OLA1: variants seen among roughly 807,000 people sequenced by gnomAD.
The protein encoded by OLA1 is Obg like ATPase 1, also known as obg-like ATPase 1.
OLA1 carries 14 observed loss-of-function variants against 48.4 expected under a neutral mutation model. That is an observed-to-expected ratio of 0.29 (90% CI 0.19 to 0.45). The LOEUF is 0.45. Among genes scored for constraint, OLA1 ranks in the 20% least tolerant of loss-of-function variants. The pLI is 1.00. For missense variants in OLA1, 325 were observed against 467.1 expected (o/e 0.70, Z 2.80); for synonymous variants, 127 against 150.4 (o/e 0.84, Z 1.14).
rs141191623 is a variant in OLA1 at position 174,242,685 on chromosome 2, C to G, written c.101+4030G>C. Among the ~76,000 whole-genome samples, 92 of 152,242 alleles carry G rather than the reference C, an allele frequency of 6.0e-4. 1 individual carries two copies. The East Asian group carries it at 0.015, about 25-fold the overall frequency. On this transcript the variant is annotated intron_variant, in intron 2 of 10. Transcript: ENST00000284719. Reference sequence around the variant, plus strand: ...GGGTTTTCTGATGCTCTTAATTGAACCTAATCCCATCTGATGCAGTGGATA... The same window carrying G: ...GGGTTTTCTGATGCTCTTAATTGAAGCTAATCCCATCTGATGCAGTGGATA...
At chr2:174,193,387 G>A (rs1045016091) in intron 4 of OLA1, among the ~76,000 whole-genome samples, 5 of 152,184 alleles carry the variant, frequency 3.3e-5, no homozygotes, top group African/African-American at 1.2e-4. Flanking sequence ...ACTGCACCCA[G>A]CTGTCTAAGG....
At chr2:174,217,477 C>G (rs1046079324) in intron 4 of OLA1, among the ~76,000 whole-genome samples, 1 of 152,068 alleles carries the variant, frequency 6.6e-6, no homozygotes, top group Non-Finnish European at 1.5e-5. Flanking sequence ...AAGCAAAGCT[C>G]CCCTAAAAGG....
chr2:174,162,171 A>G (rs1213231087), intron 4 of OLA1, among the ~76,000 whole-genome samples: 1 of 152,234 alleles, frequency 6.6e-6, no homozygotes, highest in Non-Finnish European at 1.5e-5. Context: ...TTCAGGACAC[A>G]GAGTAAATAT....
In OLA1 at chr2:174,161,717, T is replaced by G. The variant is rs552492994; in HGVS notation, c.374-19717A>C. On this transcript the variant is annotated intron_variant, in intron 4 of 10. Coordinates refer to ENST00000284719, the MANE Select transcript of OLA1 (RefSeq NM_013341.5). ...ACACACACACACACACACACACACA[T>G]AGATAGATAGACACACATACATACA... Among the ~76,000 whole-genome samples, 117 of 140,914 alleles carry G rather than the reference T, an allele frequency of 8.3e-4. 1 individual carries two copies. The South Asian group carries it at 0.026, about 31-fold the overall frequency. 92.4% of individuals were successfully genotyped at this position (140,914 alleles called of 152,430 possible).
In OLA1 at chr2:174,082,074, A is replaced by T; in HGVS notation, c.729-10T>A. 1 of 1,612,828 alleles carries T rather than the reference A, an allele frequency of 6.2e-7. No individual in the cohort carries two copies. Among genetic ancestry groups the T allele is most frequent in the South Asian group, 1.1e-5 (1 of 91,044 alleles). On this transcript the variant is annotated splice_polypyrimidine_tract_variant and intron_variant, in intron 7 of 10. Coordinates refer to ENST00000284719, the MANE Select transcript of OLA1 (RefSeq NM_013341.5). ...TTTAATTTTTATCAACCTGTAGACA[A>T]AAAAGGGCACAACATTATCTTGTAG...
At chr2:174,151,519 T>C (rs1686745476) in intron 4 of OLA1, among the ~76,000 whole-genome samples, 1 of 152,156 alleles carries the variant, frequency 6.6e-6, no homozygotes. Context: ...CATTCAGAGG[T>C]TAGGGGCCAG....
intron 4 of OLA1, among the ~76,000 whole-genome samples, chr2:174,219,497 T>C (rs1688450235): frequency 6.7e-6 from 1 of 148,524 alleles, no homozygotes; most frequent in African/African-American, 2.5e-5. Flanking sequence ...TGGCGCAATG[T>C]TGGCTCACTG....
chr2:174,187,517 T>C (rs1412456989), intron 4 of OLA1, among the ~76,000 whole-genome samples: 1 of 152,322 alleles, frequency 6.6e-6, no homozygotes, highest in East Asian at 1.9e-4. Context: ...TTCTAATTGG[T>C]TTCACAAACA....
intron 5 of OLA1, among the ~76,000 whole-genome samples, chr2:174,141,423 T>C (rs1296134489): frequency 1.3e-5 from 2 of 152,234 alleles, no homozygotes; most frequent in Non-Finnish European, 2.9e-5. Context: ...CTGTCTACTT[T>C]AAGAGTGTAT....
At chr2:174,202,881 CAGT>C (rs1559002785) in intron 4 of OLA1, among the ~76,000 whole-genome samples, 3 of 152,088 alleles carry the variant, frequency 2.0e-5, no homozygotes, top group Non-Finnish European at 4.4e-5. Context: ...TTCTGCTCAA[CAGT>C]AGAGATTTTG....
chr2:174,193,025 A>G (rs1331382584), intron 4 of OLA1, among the ~76,000 whole-genome samples: 1 of 150,240 alleles, frequency 6.7e-6, no homozygotes, highest in East Asian at 1.9e-4. Context: ...TTTTGGACCT[A>G]TGGTTTTGTG....
At chr2:174,081,856 G>T (rs951568468) in intron 8 of OLA1, 68 bp downstream of exon 8, 20 of 1,429,938 alleles carry the variant, frequency 1.4e-5, no homozygotes, top group African/African-American at 4.2e-5. Flanking sequence ...TTCTATCAGC[G>T]CAAGCAATTA....
chr2:174,114,172 CAAAAAAA>C (rs33971592), intron 7 of OLA1, among the ~76,000 whole-genome samples: 10 of 78,184 alleles, frequency 1.3e-4, no homozygotes, highest in East Asian at 8.3e-4. Context: ...ACTAAAAATA[CAAAAAAA>C]AAAAAAAAAA....
chr2:174,100,437 C>T (rs533935437), intron 7 of OLA1, among the ~76,000 whole-genome samples: 103 of 152,220 alleles, frequency 6.8e-4, no homozygotes, highest in African/African-American at 2.4e-3. Context: ...CAGGGTCTCA[C>T]TCTGTTGCCC....
chr2:174,151,454 C>T (rs189198021), intron 4 of OLA1, among the ~76,000 whole-genome samples: 92 of 152,134 alleles, frequency 6.0e-4, no homozygotes, highest in Non-Finnish European at 1.0e-3. Flanking sequence ...TTGTCCTACG[C>T]GTTAACAGTA....
At chr2:174,237,436 C>T (rs1173517208) in intron 2 of OLA1, among the ~76,000 whole-genome samples, 1 of 151,770 alleles carries the variant, frequency 6.6e-6, no homozygotes. Flanking sequence ...AGAAAGAGTA[C>T]ACTCTAAAGT....
At chr2:174,183,842 C>T (rs2105416111) in intron 4 of OLA1, among the ~76,000 whole-genome samples, 1 of 152,280 alleles carries the variant, frequency 6.6e-6, no homozygotes, top group Non-Finnish European at 1.5e-5. Context: ...AATATCTCTT[C>T]TCATTAATAC....
At chr2:174,162,367 T>TA (rs1228363950) in intron 4 of OLA1, among the ~76,000 whole-genome samples, 1 of 152,204 alleles carries the variant, frequency 6.6e-6, no homozygotes, top group East Asian at 1.9e-4. Context: ...TCAAAGGCCA[T>TA]ATCACAACTA....
Position 174,164,001 on chromosome 2 carries a change from T to C in OLA1, c.374-22001A>G, listed in dbSNP as rs377284143. The stretch of plus-strand genomic sequence containing the variant: ...GTGGGAGGGACCTGGTGGGAGGTAA[T>C]TGAATCATGGGAGTGGTTACCCCCA... On this transcript the variant is annotated intron_variant, in intron 4 of 10. Transcript: ENST00000284719. Among the ~76,000 whole-genome samples, 11 of 151,572 alleles carry C rather than the reference T, an allele frequency of 7.3e-5. No individual in the cohort carries two copies. The South Asian group carries it at 8.3e-4, about 12-fold the overall frequency.
Sources: allele counts gnomAD v4.1 joint callset (sites outside exome capture counted in the v4.1 genomes callset), GRCh38; gene constraint gnomAD v4.1.1; transcripts MANE v1.5; gene names NCBI Gene and HGNC (gene_info 2026-07-23, HGNC 2026-07-21).